PKHD1: variants seen among roughly 807,000 people sequenced by gnomAD.
PKHD1 encodes the protein PKHD1 ciliary IPT domain containing fibrocystin/polyductin.
PKHD1 carries 291 observed loss-of-function variants against 412.0 expected under a neutral mutation model. The observed-to-expected ratio is 0.71, with a 90% CI of 0.64 to 0.78. The LOEUF is 0.78. Among genes scored for constraint, PKHD1 ranks in the 30% least tolerant of loss-of-function variants. PKHD1 has a pLI of 0.00. For missense variants in PKHD1, 4,825 were observed against 4,950.7 expected (o/e 0.97, Z 0.76); for synonymous variants, 1,777 against 1,821.5 (o/e 0.98, Z 0.62).
chr6:51,914,944 C>G (rs1156805289), intron 37 of PKHD1, among the ~76,000 whole-genome samples: 2 of 152,106 alleles, frequency 1.3e-5, no homozygotes. Flanking sequence ...CTCCTACAAA[C>G]CTTGTAGTGA....
intron 35 of PKHD1, among the ~76,000 whole-genome samples, chr6:51,971,941 T>C (rs1158838600): frequency 6.6e-6 from 1 of 152,022 alleles, no homozygotes; most frequent in African/African-American, 2.4e-5. Flanking sequence ...CATGTTTCCC[T>C]GGCTGGTCCC....
At chr6:51,867,139 G>A (rs1487645105) in intron 48 of PKHD1, among the ~76,000 whole-genome samples, 2 of 152,130 alleles carry the variant, frequency 1.3e-5, no homozygotes, top group Non-Finnish European at 2.9e-5. Context: ...TACTCATGGA[G>A]TTAGGACACT....
At chr6:51,789,134 C>T (rs945001955) in intron 53 of PKHD1, among the ~76,000 whole-genome samples, 40 of 152,044 alleles carry the variant, frequency 2.6e-4, no homozygotes, top group African/African-American at 8.5e-4. Flanking sequence ...AGAGGCAATG[C>T]CAATAAGAAA....
chr6:51,920,385 A>C (rs1433145590), intron 37 of PKHD1, among the ~76,000 whole-genome samples: 1 of 152,112 alleles, frequency 6.6e-6, no homozygotes, highest in East Asian at 1.9e-4. Flanking sequence ...TGAGATAATC[A>C]TGTGGTTTTT....
chr6:51,852,581 G>A (rs1772478638), intron 49 of PKHD1, among the ~76,000 whole-genome samples: 1 of 152,158 alleles, frequency 6.6e-6, no homozygotes, highest in Non-Finnish European at 1.5e-5. Flanking sequence ...CAATCTGGGT[G>A]CTCCTGTATT....
intron 48 of PKHD1, among the ~76,000 whole-genome samples, chr6:51,862,112 T>C (rs372247594): frequency 1.3e-3 from 198 of 152,330 alleles, no homozygotes; most frequent in African/African-American, 1.9e-3. Context: ...AGAGCTGTGA[T>C]GGGGATGACT....
intron 28 of PKHD1, among the ~76,000 whole-genome samples, chr6:52,033,885 T>C (rs1343351365): frequency 2.0e-5 from 3 of 151,988 alleles, no homozygotes; most frequent in African/African-American, 7.2e-5. Flanking sequence ...TCCCAGCATT[T>C]TGGGAGGCCG....
intron 56 of PKHD1, among the ~76,000 whole-genome samples, chr6:51,753,691 C>T (rs1453772131): frequency 3.3e-5 from 5 of 152,150 alleles, no homozygotes; most frequent in African/African-American, 9.7e-5. Flanking sequence ...AATAGGTCAG[C>T]GTGAGACTTC....
intron 52 of PKHD1, among the ~76,000 whole-genome samples, chr6:51,813,743 T>C (rs1046264223): frequency 1.3e-5 from 2 of 152,170 alleles, no homozygotes; most frequent in African/African-American, 4.8e-5. Context: ...AGAAAAGATA[T>C]CGGAATAGTA....
chr6:51,848,918 G>T (rs1455621423), intron 49 of PKHD1, among the ~76,000 whole-genome samples: 84 of 125,432 alleles, frequency 6.7e-4, no homozygotes, highest in Non-Finnish European at 6.2e-4. Flanking sequence ...TTTTTTTTTA[G>T]TTTTTTTTTT....
intron 60 of PKHD1, among the ~76,000 whole-genome samples, chr6:51,712,795 G>A (rs1282838529): frequency 1.3e-5 from 2 of 152,172 alleles, no homozygotes; most frequent in African/African-American, 4.8e-5. Flanking sequence ...AAACGTGGAT[G>A]AAATCAGTAA....
At chr6:51,665,715 G>C (rs780016851) in intron 60 of PKHD1, among the ~76,000 whole-genome samples, 6 of 152,128 alleles carry the variant, frequency 3.9e-5, no homozygotes, top group Non-Finnish European at 5.9e-5. Flanking sequence ...CAAAAAGGTA[G>C]ATTGTTGTGT....
At chr6:51,676,607 T>G (rs1324789223) in intron 60 of PKHD1, among the ~76,000 whole-genome samples, 1 of 152,160 alleles carries the variant, frequency 6.6e-6, no homozygotes, top group African/African-American at 2.4e-5. Flanking sequence ...TATACCTCAT[T>G]TGATTTCTAA....
intron 23 of PKHD1, among the ~76,000 whole-genome samples, chr6:52,046,648 G>C (rs1805889046): frequency 6.6e-6 from 1 of 152,244 alleles, no homozygotes; most frequent in South Asian, 2.1e-4. Context: ...GGCCAGCCCA[G>C]CTGAGGAATG....
chr6:52,010,258 A>G (rs1276716529), intron 35 of PKHD1, 51 bp downstream of exon 35: 1 of 1,539,930 alleles, frequency 6.5e-7, no homozygotes, highest in Non-Finnish European at 9.0e-7. Flanking sequence ...ACAATATTAC[A>G]AATTTAATTT....
chr6:51,850,505 T>C (rs758679812), intron 49 of PKHD1, among the ~76,000 whole-genome samples: 2 of 152,250 alleles, frequency 1.3e-5, no homozygotes, highest in Non-Finnish European at 2.9e-5. Context: ...TTTCACGACA[T>C]TGATTCTTCC....
chr6:51,760,906 C>T (rs1279924218), intron 55 of PKHD1, among the ~76,000 whole-genome samples: 3 of 151,952 alleles, frequency 2.0e-5, no homozygotes, highest in Non-Finnish European at 4.4e-5. Context: ...TCATACCTGT[C>T]AAAATTACCA....
chr6:51,941,763 A>G (rs1285740648), intron 36 of PKHD1, among the ~76,000 whole-genome samples: 34 of 149,786 alleles, frequency 2.3e-4, no homozygotes, highest in African/African-American at 4.2e-4. Flanking sequence ...GATCTCAAAC[A>G]TGCTTTCTTT....
chr6:51,741,209 T>G, intron 60 of PKHD1: 1 of 518,780 alleles, frequency 1.9e-6, no homozygotes, highest in South Asian at 1.4e-5. Flanking sequence ...ATGAACACTC[T>G]TATGATTAAA....
Sources: gnomAD v4.1 joint callset for allele counts (sites outside exome capture counted in the v4.1 genomes callset) on GRCh38, gnomAD v4.1.1 for gene constraint, MANE v1.5 for transcripts, NCBI Gene and HGNC (gene_info 2026-07-23, HGNC 2026-07-21) for gene names.